Variants in CDC123 observed in about 807,000 individuals in gnomAD.
The protein encoded by CDC123 is cell division cycle 123.
A neutral mutation model predicts 54.4 loss-of-function variants in CDC123; 37 were observed. The ratio of observed to expected loss-of-function variants is 0.68; its 90% CI spans 0.52 to 0.89. The LOEUF (loss-of-function observed/expected upper bound fraction) is 0.89. Ranked by LOEUF, CDC123 falls within the 40% of genes least tolerant of loss-of-function variation. CDC123 has a pLI of 0.00. For synonymous variants in CDC123, 144 were observed against 136.8 expected (o/e 1.05, Z -0.37); for missense variants, 361 against 412.1 (o/e 0.88, Z 1.07).
Position 12,210,038 on chromosome 10 carries a change from AAAAT to A in CDC123, c.204+17_204+20del. 6.2e-7 allele frequency: 1 copy of A among 1,612,968 alleles called. No homozygotes were observed. On this transcript the variant is annotated intron_variant, in intron 3 of 12. Coordinates refer to ENST00000281141, the MANE Select transcript of CDC123 (RefSeq NM_006023.3). The stretch of plus-strand genomic sequence containing the variant: ...GAAGAAATACAGGTTGGTACCAAAT[AAAAT>A]AATCTGTTCTGTAGACTGTTGTAAT...
In CDC123 at chr10:12,198,781, A is replaced by G. The variant is rs1162880248; in HGVS notation, c.146+5A>G. 2 of 1,517,910 alleles carry G rather than the reference A, an allele frequency of 1.3e-6. No homozygotes were observed. Among genetic ancestry groups the G allele is most frequent in the Admixed American group, 3.6e-5 (2 of 56,230 alleles). 94.0% of individuals were successfully genotyped at this position (1,517,910 alleles called of 1,614,324 possible). On this transcript the variant is annotated splice_donor_5th_base_variant and intron_variant, in intron 2 of 12. Transcript: ENST00000281141. ...AACTCTGGTGGTTTCAGGAAGGTAA[A>G]GTATTTTAGAAAAAAATTTCTTAAA...
intron 5 of CDC123, among the ~76,000 whole-genome samples, chr10:12,216,295 C>T (rs1835663399): frequency 6.6e-6 from 1 of 152,068 alleles, no homozygotes; most frequent in Non-Finnish European, 1.5e-5. Context: ...AAGTTAAGGC[C>T]TGTGGAAAAA....
At chr10:12,243,386 GA>G (rs5783245) in intron 10 of CDC123, among the ~76,000 whole-genome samples, 70,542 of 143,590 alleles carry the variant, frequency 0.49, 17,042 homozygotes, top group Middle Eastern at 0.58. Flanking sequence ...CAACAAGAGT[GA>G]AAAAAAAAAA....
At chr10:12,214,192 T>C (rs562278034) in intron 4 of CDC123, among the ~76,000 whole-genome samples, 1 of 152,346 alleles carries the variant, frequency 6.6e-6, no homozygotes, top group East Asian at 1.9e-4. Flanking sequence ...TCAAGCTTTA[T>C]GGGATAGGAA....
intron 11 of CDC123, among the ~76,000 whole-genome samples, chr10:12,249,085 T>C (rs114373068): frequency 0.03 from 4,466 of 148,788 alleles, 186 homozygotes; most frequent in South Asian, 0.098. Flanking sequence ...ACAGAGATCG[T>C]GCCCCTGCAC....
At chr10:12,230,805 A>G in intron 6 of CDC123, 143 bp from the exon 7 acceptor site, 1 of 726,188 alleles carries the variant, frequency 1.4e-6, no homozygotes. Context: ...CGGCTCAGTA[A>G]GTGTTCGTCG....
chr10:12,205,874 C>T (rs191156244), intron 2 of CDC123, among the ~76,000 whole-genome samples: 82 of 152,200 alleles, frequency 5.4e-4, no homozygotes, highest in Admixed American at 1.1e-3. Context: ...TCTTGGCCCA[C>T]TGCAACCTCT....
At chr10:12,197,578 C>T (rs868407143) in intron 1 of CDC123, among the ~76,000 whole-genome samples, 86 of 151,884 alleles carry the variant, frequency 5.7e-4, no homozygotes, top group Middle Eastern at 3.4e-3. Flanking sequence ...GGGTTTTCAC[C>T]GTGTTAGCCA....
In CDC123 at chr10:12,221,625, G is replaced by A. The variant is rs572053939; in HGVS notation, c.440+4158G>A. Among the ~76,000 whole-genome samples the A allele has an allele frequency of 4.1e-4, 62 of 152,202 alleles. 1 individual carries two copies. The South Asian group carries it at 8.7e-3, about 21-fold the overall frequency. On this transcript the variant is annotated intron_variant, in intron 6 of 12. Coordinates refer to ENST00000281141, the MANE Select transcript of CDC123 (RefSeq NM_006023.3). ...TGCAGCAGCCCGTGGGCCATGGCCCGGGATGGCTTTGAATGTGCCACAACA... is the reference window on the plus strand; with the variant it reads ...TGCAGCAGCCCGTGGGCCATGGCCCAGGATGGCTTTGAATGTGCCACAACA...
chr10:12,225,296 G>A (rs1448147527), intron 6 of CDC123, among the ~76,000 whole-genome samples: 1 of 152,216 alleles, frequency 6.6e-6, no homozygotes, highest in East Asian at 1.9e-4. Context: ...TTGGGAGGCT[G>A]AGGCAGGAGA....
chr10:12,213,808 T>A (rs79353985), intron 4 of CDC123, among the ~76,000 whole-genome samples: 3,063 of 152,310 alleles, frequency 0.02, 94 homozygotes, highest in African/African-American at 0.069. Flanking sequence ...AGATCAGGAA[T>A]ATTGAAATGA....
chr10:12,235,614 G>A (rs1280767810), intron 8 of CDC123, among the ~76,000 whole-genome samples: 1 of 152,150 alleles, frequency 6.6e-6, no homozygotes, highest in Non-Finnish European at 1.5e-5. Flanking sequence ...TGTTTGCTAT[G>A]ATTGATTTAA....
chr10:12,226,113 G>T (rs994450003), intron 6 of CDC123, among the ~76,000 whole-genome samples: 5 of 152,142 alleles, frequency 3.3e-5, no homozygotes, highest in African/African-American at 9.7e-5. Flanking sequence ...CAAGGCAGAA[G>T]AATTTTTCTT....
At chr10:12,226,733 G>A (rs918922000) in intron 6 of CDC123, among the ~76,000 whole-genome samples, 6 of 151,538 alleles carry the variant, frequency 4.0e-5, no homozygotes, top group Non-Finnish European at 7.4e-5. Flanking sequence ...TTTCCTAGAC[G>A]GGATGGCGGC....
intron 5 of CDC123, among the ~76,000 whole-genome samples, chr10:12,216,699 TCTGTTATATC>T (rs1208256526): frequency 6.6e-6 from 1 of 152,198 alleles, no homozygotes. Context: ...TTCTCAAAAT[TCTGTTATATC>T]CTGTGTCTGA....
intron 2 of CDC123, 86 bp from the exon 3 acceptor site, chr10:12,209,880 TA>T: frequency 7.6e-7 from 1 of 1,312,604 alleles, no homozygotes; most frequent in East Asian, 2.3e-5. Context: ...TAAGGCTATT[TA>T]AAAACATATA....
At position 12,206,891 on chromosome 10, in the gene CDC123, A is replaced by G. The variant is rs143121158; in HGVS notation, c.147-3076A>G. The stretch of plus-strand genomic sequence containing the variant: ...GGAGAATGGCCTGAACCCGGGAGGT[A>G]GACCTTGCAATGAGCTGAAATCACG... On this transcript the variant is annotated intron_variant, in intron 2 of 12. Coordinates refer to ENST00000281141, the MANE Select transcript of CDC123 (RefSeq NM_006023.3). Among the ~76,000 whole-genome samples the G allele has an allele frequency of 1.1e-3, 161 of 150,610 alleles. 1 individual carries two copies. Among genetic ancestry groups the G allele is most frequent in the East Asian group, 3.1e-3 (16 of 5,090 alleles).
intron 6 of CDC123, among the ~76,000 whole-genome samples, chr10:12,218,387 GCAC>G (rs1433804007): frequency 6.6e-6 from 1 of 151,466 alleles, no homozygotes; most frequent in Non-Finnish European, 1.5e-5. Context: ...CTACAGGCAT[GCAC>G]CACCACACCC....
chr10:12,210,434 A>C (rs771121636), intron 4 of CDC123, 112 bp downstream of exon 4: 11 of 1,291,014 alleles, frequency 8.5e-6, no homozygotes, highest in Admixed American at 2.5e-5. Flanking sequence ...ACCATCTCAT[A>C]TATTATTTTC....
Sources: allele counts gnomAD v4.1 joint callset (sites outside exome capture counted in the v4.1 genomes callset), GRCh38; gene constraint gnomAD v4.1.1; transcripts MANE v1.5; gene names NCBI Gene and HGNC (gene_info 2026-07-23, HGNC 2026-07-21).